MAP3K14: variants seen among roughly 807,000 people sequenced by gnomAD.
The protein encoded by MAP3K14 is mitogen-activated protein kinase kinase kinase 14, also known as NF-kappa-beta-inducing kinase.
MAP3K14 carries 16 observed loss-of-function variants against 99.2 expected under a neutral mutation model. The observed-to-expected ratio is 0.16, with a 90% confidence interval of 0.11 to 0.24. The LOEUF is 0.24. Among genes scored for constraint, MAP3K14 ranks in the 10% least tolerant of loss-of-function variants. The probability of loss-of-function intolerance (pLI) is 1.00; values close to 1 mark genes in which losing one functional copy is unlikely to be tolerated. For synonymous variants in MAP3K14, 462 were observed against 492.4 expected, an observed-to-expected ratio of 0.94 and a Z score of 0.82; for missense variants, 784 against 1,208.7, an observed-to-expected ratio of 0.65 and a Z score of 5.21.
At chr17:45,273,252 G>A (rs572353276) in intron 9 of MAP3K14, among the ~76,000 whole-genome samples, 94 of 152,264 alleles carry the variant, frequency 6.2e-4, no homozygotes, top group Non-Finnish European at 1.1e-3. Context: ...AGAAGGCCTG[G>A]GACCTACGGA....
In MAP3K14 at chr17:45,264,459, G is replaced by A; in HGVS notation, c.*177C>T. 1.4e-6 allele frequency: 1 copy of A among 718,886 alleles called. No homozygotes were observed. Among genetic ancestry groups the A allele is most frequent in the Non-Finnish European group, 2.2e-6 (1 of 452,190 alleles). The allele number at this position is 718,886 out of a possible 1,614,324, so 44.5% of individuals were successfully genotyped here. Reference sequence around the variant, plus strand: ...GCAGGGTGGGGCAGGGCTCAGGTGTGAAATCCTGGGAGGCATTCTGCTTGC... The same window carrying A: ...GCAGGGTGGGGCAGGGCTCAGGTGTAAAATCCTGGGAGGCATTCTGCTTGC... On this transcript the variant is annotated 3_prime_UTR_variant, in exon 16 of 16. Transcript: ENST00000344686.
chr17:45,299,579 G>C (rs2044371003), intron 1 of MAP3K14, among the ~76,000 whole-genome samples: 1 of 152,154 alleles, frequency 6.6e-6, no homozygotes, highest in Non-Finnish European at 1.5e-5. Flanking sequence ...GAAGGAGGAA[G>C]GGGCCTTACT....
intron 15 of MAP3K14, 134 bp downstream of exon 15, chr17:45,265,029 G>A (rs920127110): frequency 2.4e-6 from 2 of 839,756 alleles, no homozygotes; most frequent in Admixed American, 4.4e-5. Context: ...GAGGTCCTGG[G>A]GGACGTTGAA....
intron 6 of MAP3K14, among the ~76,000 whole-genome samples, chr17:45,279,549 C>T (rs756144900): frequency 1.3e-5 from 2 of 151,930 alleles, no homozygotes; most frequent in Non-Finnish European, 2.9e-5. Flanking sequence ...TCTCCTGCCT[C>T]GGCCTCCCGA....
intron 1 of MAP3K14, among the ~76,000 whole-genome samples, chr17:45,316,723 T>C (rs983214820): frequency 6.6e-6 from 1 of 151,642 alleles, no homozygotes; most frequent in African/African-American, 2.4e-5. Context: ...CCAGCAGGAG[T>C]GCGCGGCCTG....
In MAP3K14 at chr17:45,267,397, T is replaced by C. The variant is rs1275023636; in HGVS notation, c.2326+9A>G. 1 of 1,575,500 alleles carries C rather than the reference T, an allele frequency of 6.3e-7. No homozygotes were observed. Among genetic ancestry groups the C allele is most frequent in the Admixed American group, 1.9e-5 (1 of 53,370 alleles). On this transcript the variant is annotated intron_variant, in intron 12 of 15. Transcript: ENST00000344686. This position sits in a 1 kb window ranked among gnomAD's most constrained non-coding sequence, Gnocchi z 5.1. Reference sequence around the variant, plus strand: ...CTCAGGGCCCCACTGCAGCCACGGCTGCCCGTACCTATTTCCAGCTGCTGC... The same window carrying C: ...CTCAGGGCCCCACTGCAGCCACGGCCGCCCGTACCTATTTCCAGCTGCTGC...
At chr17:45,299,928 A>G (rs1313193499) in intron 1 of MAP3K14, among the ~76,000 whole-genome samples, 3 of 151,964 alleles carry the variant, frequency 2.0e-5, no homozygotes. Flanking sequence ...TGTCTCTACT[A>G]AAAATACAAA....
intron 15 of MAP3K14, 97 bp downstream of exon 15, chr17:45,265,066 G>T: frequency 9.7e-7 from 1 of 1,025,782 alleles, no homozygotes; most frequent in Non-Finnish European, 1.5e-6. Context: ...TCCCTAGAGT[G>T]CCATTCTACT....
At chr17:45,268,265 A>C (rs890785419) in intron 11 of MAP3K14, 3 of 152,514 alleles carry the variant, frequency 2.0e-5, no homozygotes, top group Admixed American at 6.6e-5. Flanking sequence ...GAGGTGCAAG[A>C]TCTCTCTGGT....
chr17:45,270,901 C>G (rs2044137752), intron 10 of MAP3K14, 157 bp downstream of exon 10: 1 of 1,080,826 alleles, frequency 9.3e-7, no homozygotes, highest in East Asian at 2.6e-5. Context: ...CTTGTACCCC[C>G]AGATTTGGGT....
intron 13 of MAP3K14, among the ~76,000 whole-genome samples, 184 bp downstream of exon 13, chr17:45,266,908 T>C (rs2044090491): frequency 6.6e-6 from 1 of 152,182 alleles, no homozygotes; most frequent in Admixed American, 6.5e-5. Flanking sequence ...CTCTGAACCA[T>C]GACCACCTCC....
chr17:45,300,449 T>C (rs1183519352), intron 1 of MAP3K14, among the ~76,000 whole-genome samples: 1 of 152,236 alleles, frequency 6.6e-6, no homozygotes, highest in Non-Finnish European at 1.5e-5. Context: ...ATAATCTTTT[T>C]GGCCATTGTT....
At chr17:45,265,371 A>G (rs1427463850) in intron 14 of MAP3K14, 108 bp from the exon 15 acceptor site, 2 of 732,106 alleles carry the variant, frequency 2.7e-6, no homozygotes, top group East Asian at 2.5e-5. Flanking sequence ...ACTCTGCCCT[A>G]TGTAGGGGGA....
At chr17:45,275,903 A>G (rs1004954463) in intron 6 of MAP3K14, among the ~76,000 whole-genome samples, 6 of 151,792 alleles carry the variant, frequency 4.0e-5, no homozygotes, top group African/African-American at 1.5e-4. Flanking sequence ...CTGGGACTAC[A>G]AGTGTGCGCC....
chr17:45,269,392 T>C (rs2044124721), intron 11 of MAP3K14, among the ~76,000 whole-genome samples: 1 of 152,248 alleles, frequency 6.6e-6, no homozygotes, highest in South Asian at 2.1e-4. Context: ...CTAGTAAACA[T>C]ATATTTTATC....
Position 45,287,055 on chromosome 17 carries a change from G to A in MAP3K14, c.538-10C>T, listed in dbSNP as rs758150852. ...GTGGAGACTCATCCTCCTGCGGGGGGAAACACAGCTATCAGCACAGAGGGC... is the reference window on the plus strand; with the variant it reads ...GTGGAGACTCATCCTCCTGCGGGGGAAAACACAGCTATCAGCACAGAGGGC... On this transcript the variant is annotated splice_polypyrimidine_tract_variant and intron_variant, in intron 4 of 15. Transcript: ENST00000344686. 2.5e-6 allele frequency: 4 copies of A among 1,609,180 alleles called. No individual in the cohort carries two copies. The Admixed American group carries it at 6.7e-5, about 27-fold the overall frequency.
At position 45,267,385 on chromosome 17, in the gene MAP3K14, T is replaced by C. The variant is rs957112717; in HGVS notation, c.2326+21A>G. On this transcript the variant is annotated intron_variant, in intron 12 of 15. Transcript: ENST00000344686. The surrounding 1 kb of genome is among the most constrained non-coding windows in gnomAD (Gnocchi z 5.1). ...CCAGGGCCAGTGCTCAGGGCCCCAC[T>C]GCAGCCACGGCTGCCCGTACCTATT... 4.5e-6 allele frequency: 7 copies of C among 1,561,654 alleles called. No individual in the cohort carries two copies. The East Asian group carries it at 1.4e-4, about 32-fold the overall frequency.
chr17:45,272,818 T>C lies in MAP3K14; in HGVS notation c.1657+685A>G, dbSNP rs1161398854. Among the ~76,000 whole-genome samples, 1 of 152,148 alleles carries C rather than the reference T, an allele frequency of 6.6e-6. No individual in the cohort carries two copies. Among genetic ancestry groups the C allele is most frequent in the East Asian group, 1.9e-4 (1 of 5,194 alleles). On this transcript the variant is annotated intron_variant, in intron 9 of 15. Transcript: ENST00000344686. This position sits in a 1 kb window ranked among gnomAD's most constrained non-coding sequence, Gnocchi z 4.1. The stretch of plus-strand genomic sequence containing the variant: ...AGCTGGGCATGGTGGAAGGCGCCTG[T>C]AATCCCAGCTACTCAGGAGGCTGAG...
chr17:45,267,672 T>C lies in MAP3K14; in HGVS notation c.2060A>G (p.His687Arg). 2 of 1,613,930 alleles carry C rather than the reference T, an allele frequency of 1.2e-6. No individual in the cohort carries two copies. The highest frequency in any genetic ancestry group is 1.7e-6 in the Non-Finnish European group (2 of 1,179,858). The change falls in exon 12 of 16, where the codon CAT (histidine) becomes CGT (arginine). Residue 687 changes from histidine (H) to arginine (R), a missense_variant. Around this residue, in one of 5 missense-constraint regions of MAP3K14, gnomAD observed 128 missense variants for 143.3 expected, o/e 0.89. Coordinates refer to ENST00000344686, the MANE Select transcript of MAP3K14 (RefSeq NM_003954.5). The surrounding 1 kb of genome is among the most constrained non-coding windows in gnomAD (Gnocchi z 5.1). ...PNQANYHQTLHAQPRELSPRA... is the reference protein window; with the variant it reads ...PNQANYHQTLRAQPRELSPRA... ...TGGCGAAAGCTCTCTCGGCTGGGCA[T>C]GGAGGGTCTGGTGGTAATTGGCTTG...
Sources: gnomAD v4.1 joint callset for allele counts (sites outside exome capture counted in the v4.1 genomes callset) on GRCh38, gnomAD v4.1.1 for gene constraint, gnomAD v4.1.1 regional missense constraint, Gnocchi (gnomAD v3.1) non-coding constraint, MANE v1.5 for transcripts, NCBI Gene and HGNC (gene_info 2026-07-23, HGNC 2026-07-21) for gene names.